Variants in CHRM5 observed in about 807,000 individuals in gnomAD.
The protein encoded by CHRM5 is muscarinic acetylcholine receptor M5.
CHRM5 carries 18 observed loss-of-function variants against 39.0 expected under a neutral mutation model. That is an observed-to-expected ratio of 0.46 (90% CI 0.32 to 0.68). The LOEUF is 0.68. Among genes scored for constraint, CHRM5 ranks in the 30% least tolerant of loss-of-function variants. CHRM5 has a pLI of 0.04. For synonymous variants in CHRM5, 241 were observed against 246.3 expected (o/e 0.98, Z 0.20); for missense variants, 515 against 651.1 (o/e 0.79, Z 2.28).
chr15:34,042,557 C>T (rs1386185561), intron 1 of CHRM5, among the ~76,000 whole-genome samples: 4 of 151,796 alleles, frequency 2.6e-5, no homozygotes, highest in Non-Finnish European at 5.9e-5. Context: ...TGCACCACCA[C>T]GCCCGGCTAA....
chr15:34,015,313 C>T (rs1425512116), intron 1 of CHRM5, among the ~76,000 whole-genome samples: 2 of 151,954 alleles, frequency 1.3e-5, no homozygotes, highest in Admixed American at 6.6e-5. Context: ...GAAACCCCAC[C>T]TCTACTAAAA....
intron 1 of CHRM5, among the ~76,000 whole-genome samples, chr15:34,003,984 T>C (rs1897235688): frequency 6.6e-6 from 1 of 152,318 alleles, no homozygotes; most frequent in South Asian, 2.1e-4. Flanking sequence ...GCCACTTCAT[T>C]TGCCCTTGAT....
chr15:34,004,605 GTGT>G lies in CHRM5; in HGVS notation c.-408+35460_-408+35462del, dbSNP rs201066470. 1.0e-2 allele frequency among the ~76,000 whole-genome samples: 1,521 copies of G among 152,192 alleles called. 33 individuals carry two copies. Among genetic ancestry groups the G allele is most frequent in the African/African-American group, 0.035 (1,451 of 41,518 alleles). On this transcript the variant is annotated intron_variant, in intron 1 of 2. Coordinates refer to ENST00000383263, the MANE Select transcript of CHRM5 (RefSeq NM_012125.4). ...AATACTGGTATTGCAATTTTTTAAA[GTGT>G]TGTTAACTTTTAGATATAAACACTG...
chr15:34,015,210 G>C (rs909493119), intron 1 of CHRM5, among the ~76,000 whole-genome samples: 1 of 152,128 alleles, frequency 6.6e-6, no homozygotes, highest in Non-Finnish European at 1.5e-5. Flanking sequence ...TAGGCCGGGC[G>C]CAGTGGCTCA....
At chr15:34,026,943 AAAGG>A (rs1898503545) in intron 1 of CHRM5, among the ~76,000 whole-genome samples, 1 of 152,210 alleles carries the variant, frequency 6.6e-6, no homozygotes, top group Non-Finnish European at 1.5e-5. Flanking sequence ...GTTTTGTCCC[AAAGG>A]AAGAAGTTTC....
At chr15:34,006,324 A>C (rs1484738955) in intron 1 of CHRM5, among the ~76,000 whole-genome samples, 1 of 151,848 alleles carries the variant, frequency 6.6e-6, no homozygotes, top group South Asian at 2.1e-4. Flanking sequence ...AAAAAAAAAA[A>C]CAGCCTTGTA....
chr15:34,053,299 C>CAAAAA (rs71454513), intron 2 of CHRM5, among the ~76,000 whole-genome samples: 47 of 51,524 alleles, frequency 9.1e-4, no homozygotes, highest in Non-Finnish European at 1.0e-3. Context: ...GACTCCATCT[C>CAAAAA]AAAAAAAAAA....
chr15:34,048,012 A>G (rs1429229984), intron 2 of CHRM5, among the ~76,000 whole-genome samples: 1 of 146,346 alleles, frequency 6.8e-6, no homozygotes, highest in Admixed American at 7.1e-5. Context: ...ACACATCACC[A>G]CGTCCAGCTC....
At chr15:33,999,927 CA>C (rs1397959075) in intron 1 of CHRM5, among the ~76,000 whole-genome samples, 2 of 152,124 alleles carry the variant, frequency 1.3e-5, no homozygotes, top group African/African-American at 4.8e-5. Context: ...AACATCTTTA[CA>C]ATGGTCTACA....
At chr15:34,037,116 A>C (rs1397850691) in intron 1 of CHRM5, among the ~76,000 whole-genome samples, 3 of 151,248 alleles carry the variant, frequency 2.0e-5, no homozygotes, top group Admixed American at 6.6e-5. Flanking sequence ...TCTCAAAAAA[A>C]AAAAAAAAAT....
At chr15:33,975,787 G>A (rs998738931) in intron 1 of CHRM5, among the ~76,000 whole-genome samples, 17 of 152,094 alleles carry the variant, frequency 1.1e-4, no homozygotes, top group African/African-American at 2.2e-4. Flanking sequence ...AAAATTAGCC[G>A]GGCGTGGTGG....
chr15:34,042,707 A>G (rs1364693986), intron 1 of CHRM5, among the ~76,000 whole-genome samples: 2 of 151,982 alleles, frequency 1.3e-5, no homozygotes, highest in Non-Finnish European at 2.9e-5. Flanking sequence ...CCGGCAACCT[A>G]AGTTATTTTT....
chr15:34,000,541 A>AT (rs1897098836), intron 1 of CHRM5, among the ~76,000 whole-genome samples: 1 of 152,132 alleles, frequency 6.6e-6, no homozygotes, highest in South Asian at 2.1e-4. Flanking sequence ...AACCAACAAT[A>AT]TTTTTTCTCA....
At chr15:34,056,929 C>T (rs1260633844) in intron 2 of CHRM5, among the ~76,000 whole-genome samples, 1 of 152,076 alleles carries the variant, frequency 6.6e-6, no homozygotes, top group Admixed American at 6.5e-5. Flanking sequence ...GTCCCAGCCA[C>T]TCAGGAGGTT....
At position 34,064,125 on chromosome 15, in the gene CHRM5, A is replaced by G. The variant is rs770570610; in HGVS notation, c.1408A>G (p.Lys470Glu). The part of the protein sequence containing the change: ...IMVLVSTFCD[K>E]CVPVTLWHLG... ...GGTCCTGGTTTCTACCTTCTGTGAC[A>G]AGTGTGTCCCAGTCACCCTGTGGCA... is the stretch of plus-strand genomic sequence containing the variant. Residue 470 changes from lysine to glutamate, a missense_variant, in exon 3 of 3, where the codon AAG becomes GAG. Lys to Glu is a moderately conservative substitution (Grantham distance 56). Coordinates refer to ENST00000383263, the MANE Select transcript of CHRM5 (RefSeq NM_012125.4). The G allele has an allele frequency of 6.2e-7, 1 of 1,614,152 alleles. No individual in the cohort carries two copies. The highest frequency in any genetic ancestry group is 8.5e-7 in the Non-Finnish European group (1 of 1,180,020).
intron 1 of CHRM5, among the ~76,000 whole-genome samples, chr15:34,025,696 G>A (rs1461830853): frequency 6.6e-6 from 1 of 151,974 alleles, no homozygotes; most frequent in African/African-American, 2.4e-5. Context: ...CATATCCACC[G>A]CTCAAAGGTT....
intron 1 of CHRM5, among the ~76,000 whole-genome samples, chr15:33,999,620 T>C (rs1484589165): frequency 6.6e-6 from 1 of 152,170 alleles, no homozygotes; most frequent in East Asian, 1.9e-4. Flanking sequence ...CATTTGCAAG[T>C]GCTCTCTGCT....
chr15:34,062,560 A>AAAG (rs1186738379), intron 2 of CHRM5, 83 bp from the exon 3 acceptor site: 5 of 654,894 alleles, frequency 7.6e-6, no homozygotes, highest in African/African-American at 1.8e-5. Context: ...GTCTCAAAAA[A>AAAG]AAAAAAAAAA....
chr15:34,029,381 G>A (rs1198285490), intron 1 of CHRM5, among the ~76,000 whole-genome samples: 1 of 151,784 alleles, frequency 6.6e-6, no homozygotes, highest in Non-Finnish European at 1.5e-5. Context: ...AATAAGAGGG[G>A]GAAAAAAAAG....
Sources: gnomAD v4.1 joint callset for allele counts (sites outside exome capture counted in the v4.1 genomes callset) on GRCh38, gnomAD v4.1.1 for gene constraint, MANE v1.5 for transcripts, NCBI Gene and HGNC (gene_info 2026-07-23, HGNC 2026-07-21) for gene names.